APTX: variants seen among roughly 807,000 people sequenced by gnomAD.
APTX encodes forkhead-associated domain histidine triad-like protein.
APTX carries 33 observed loss-of-function variants against 42.3 expected under a neutral mutation model. The ratio of observed to expected loss-of-function variants is 0.78; its 90% confidence interval spans 0.59 to 1.04. The LOEUF (loss-of-function observed/expected upper bound fraction) is 1.04, where lower values mean the gene tolerates loss of function less well. APTX is among the 50% of genes least tolerant of loss of function. The pLI is 0.00. For synonymous variants in APTX, 130 were observed against 146.7 expected (o/e 0.89, Z 0.82); for missense variants, 421 against 415.1 (o/e 1.01, Z -0.12).
chr9:33,019,480 TTTTTTC>T (rs1350658771), intron 1 of APTX, among the ~76,000 whole-genome samples: 4 of 152,224 alleles, frequency 2.6e-5, no homozygotes, highest in Admixed American at 6.5e-5. Context: ...AAAATTTTTC[TTTTTTC>T]TTTTTAATAG....
chr9:32,973,932 T>C (rs548535034), intron 7 of APTX, among the ~76,000 whole-genome samples: 111 of 152,246 alleles, frequency 7.3e-4, no homozygotes, highest in Non-Finnish European at 1.3e-3. Flanking sequence ...TTACCTCTGG[T>C]TGGCCCTTGG....
chr9:32,985,860 G>T, intron 5 of APTX, 111 bp downstream of exon 5: 2 of 1,018,602 alleles, frequency 2.0e-6, no homozygotes, highest in South Asian at 1.3e-5. Context: ...CCAATAAAAT[G>T]AATCTCATTC....
At chr9:32,997,651 T>C (rs1383627431) in intron 1 of APTX, among the ~76,000 whole-genome samples, 1 of 151,906 alleles carries the variant, frequency 6.6e-6, no homozygotes, top group Non-Finnish European at 1.5e-5. Context: ...AAAGAAGAAA[T>C]AGCACAGTAC....
Position 32,989,864 on chromosome 9 carries a change from G to A in APTX, c.28C>T (p.Gln10Ter). 1 of 1,614,168 alleles carries A rather than the reference G, an allele frequency of 6.2e-7. No homozygotes were observed. The highest frequency in any genetic ancestry group is 8.5e-7 in the Non-Finnish European group (1 of 1,180,030). Reference sequence around the variant, plus strand: ...CTGATTCGCTGGTGCCGGCTGTCCTGTCTCACCAACCAGCACACCCGCATC... The same window carrying A: ...CTGATTCGCTGGTGCCGGCTGTCCTATCTCACCAACCAGCACACCCGCATC... MMRVCWLVR[Q>*]DSRHQRIRLP... Residue 10 changes from glutamine (Q) to a stop codon, truncating the protein, a stop_gained, in exon 2 of 8, where the codon CAG becomes TAG. Transcript: ENST00000379817. LOFTEE classifies it high-confidence loss of function.
rs369514012 is a variant in APTX at position 32,989,773 on chromosome 9, C to T, written c.119G>A (p.Cys40Tyr). Residue 40 changes from cysteine to tyrosine, a missense_variant, in exon 2 of 8, where the codon TGT (cysteine) becomes TAT (tyrosine). Transcript: ENST00000379817. ...GPETKITDKK[C>Y]SRQQVQLKAE... ...TGACCAGTTACCTTGCTGTCGAGAA[C>T]ATTTCTTATCAGTGATCTTGGTCTC... is the stretch of plus-strand genomic sequence containing the variant. 6.2e-7 allele frequency: 1 copy of T among 1,614,142 alleles called. No individual in the cohort carries two copies. The highest frequency in any genetic ancestry group is 1.3e-5 in the African/African-American group (1 of 74,950).
chr9:33,022,976 A>G (rs1450631730), intron 1 of APTX, among the ~76,000 whole-genome samples: 2 of 152,100 alleles, frequency 1.3e-5, no homozygotes, highest in Non-Finnish European at 2.9e-5. Flanking sequence ...AGCTGGGAGT[A>G]CAGGCCCACA....
chr9:32,980,255 T>G (rs1830390059), intron 6 of APTX: 1 of 153,780 alleles, frequency 6.5e-6, no homozygotes, highest in Non-Finnish European at 1.5e-5. Flanking sequence ...GCCATTAGCA[T>G]TAACTGATAT....
Position 32,986,037 on chromosome 9 carries a change from A to T in APTX, c.484-7T>A, listed in dbSNP as rs754103482. The T allele has an allele frequency of 3.1e-6, 2 of 654,634 alleles. No homozygotes were observed. Among genetic ancestry groups the T allele is most frequent in the Admixed American group, 4.0e-5 (1 of 24,920 alleles). The allele number at this position is 654,634 out of a possible 1,614,324, so 40.6% of individuals were successfully genotyped here. On this transcript the variant is annotated splice_polypyrimidine_tract_variant and splice_region_variant and intron_variant, in intron 4 of 7. Coordinates refer to ENST00000379817, the MANE Select transcript of APTX (RefSeq NM_001195248.2). ...TCCAGTGGCCCAGGGATTCCTAAAA[A>T]AAAAACAAAAAAAAAAACAAAAAAA...
chr9:32,991,608 C>A (rs2118912719), intron 1 of APTX, among the ~76,000 whole-genome samples: 1 of 152,100 alleles, frequency 6.6e-6, no homozygotes, highest in Middle Eastern at 3.4e-3. Flanking sequence ...GTGGTAAAAC[C>A]CTATCTCTAC....
chr9:32,995,048 T>C (rs1834495146), intron 1 of APTX, among the ~76,000 whole-genome samples: 1 of 152,214 alleles, frequency 6.6e-6, no homozygotes, highest in Admixed American at 6.5e-5. Flanking sequence ...TCATTGACAA[T>C]GCACCCAAGA....
intron 1 of APTX, among the ~76,000 whole-genome samples, chr9:33,006,832 C>G (rs974693871): frequency 1.3e-5 from 2 of 151,580 alleles, no homozygotes; most frequent in Non-Finnish European, 2.9e-5. Flanking sequence ...AACCCCGTCT[C>G]TACTAAAAAT....
At chr9:32,998,242 C>T (rs1835426309) in intron 1 of APTX, among the ~76,000 whole-genome samples, 1 of 152,046 alleles carries the variant, frequency 6.6e-6, no homozygotes, top group Admixed American at 6.6e-5. Flanking sequence ...AATTTGGGGG[C>T]ATGTAGGAGG....
At chr9:33,001,710 G>A, upstream of APTX, 1 of 1,474,250 alleles carries the variant, frequency 6.8e-7, no homozygotes, top group Non-Finnish European at 9.3e-7. Flanking sequence ...AAAGAATCTT[G>A]CCCACTTCCC....
At chr9:32,996,582 A>C (rs1028316528) in intron 1 of APTX, among the ~76,000 whole-genome samples, 1 of 152,092 alleles carries the variant, frequency 6.6e-6, no homozygotes, top group African/African-American at 2.4e-5. Flanking sequence ...AGTCATTCTT[A>C]ATATGGTCTC....
rs778040753 is a variant in APTX, at chr9:32,973,076, G to C, written c.*422C>G. The C allele has an allele frequency of 1.3e-5, 6 of 455,228 alleles. No homozygotes were observed. Among genetic ancestry groups the C allele is most frequent in the South Asian group, 9.3e-5 (6 of 64,496 alleles). The allele number at this position is 455,228 out of a possible 1,614,324, so 28.2% of individuals were successfully genotyped here. A position where few individuals can be genotyped will look rare whatever the true frequency, so the allele number is the denominator to read the frequency against. On this transcript the variant is annotated 3_prime_UTR_variant, in exon 8 of 8. Coordinates refer to ENST00000379817, the MANE Select transcript of APTX (RefSeq NM_001195248.2). Reference sequence around the variant, plus strand: ...AAAACAAGACCCATCAGTATCTTCAGGATAAACAAGAGGCCACTCTAGATG... The same window carrying C: ...AAAACAAGACCCATCAGTATCTTCACGATAAACAAGAGGCCACTCTAGATG...
chr9:33,019,084 T>C (rs1838150517), intron 1 of APTX, among the ~76,000 whole-genome samples: 1 of 152,160 alleles, frequency 6.6e-6, no homozygotes, highest in Admixed American at 6.5e-5. Flanking sequence ...TGTATCAACG[T>C]TGATTCATTA....
chr9:33,001,422 G>C, intron 1 of APTX, 145 bp downstream of exon 1: 2 of 1,541,896 alleles, frequency 1.3e-6, no homozygotes. Context: ...TAACAGGGGA[G>C]GACGGAGAAA....
upstream of APTX, among the ~76,000 whole-genome samples, chr9:33,005,767 G>C (rs10971298): frequency 0.071 from 10,742 of 152,202 alleles, 514 homozygotes; most frequent in Non-Finnish European, 0.11. Flanking sequence ...GTAAGGTAAG[G>C]CTCCAACTTC....
At chr9:32,986,367 T>C (rs979025301) in intron 4 of APTX, among the ~76,000 whole-genome samples, 1 of 151,608 alleles carries the variant, frequency 6.6e-6, no homozygotes, top group Non-Finnish European at 1.5e-5. Flanking sequence ...AGCTAACTTT[T>C]GTATTTTTTA....
Sources: allele counts gnomAD v4.1 joint callset (sites outside exome capture counted in the v4.1 genomes callset), GRCh38; gene constraint gnomAD v4.1.1; transcripts MANE v1.5; gene names NCBI Gene and HGNC (gene_info 2026-07-23, HGNC 2026-07-21).